The following LDLRAD3 variants were observed in gnomAD, a reference collection of about 807,000 sequenced individuals.
The protein encoded by LDLRAD3 is low-density lipoprotein receptor class A domain-containing protein 3.
Under a neutral mutation model 29.4 loss-of-function variants are expected in LDLRAD3, and 20 were observed. The ratio of observed to expected loss-of-function variants is 0.68; its 90% confidence interval spans 0.48 to 0.99. The LOEUF (loss-of-function observed/expected upper bound fraction) is 0.99. LDLRAD3 is among the 50% of genes least tolerant of loss of function. The probability of loss-of-function intolerance (pLI) is 0.00; values close to 1 mark genes in which losing one functional copy is unlikely to be tolerated. For synonymous variants in LDLRAD3, 157 were observed against 192.7 expected (o/e 0.81, Z 1.53); for missense variants, 420 against 454.3 (o/e 0.92, Z 0.69).
At chr11:36,122,749 T>TG (rs1350208302) in intron 4 of LDLRAD3, among the ~76,000 whole-genome samples, 1 of 152,152 alleles carries the variant, frequency 6.6e-6, no homozygotes, top group East Asian at 1.9e-4. Context: ...CCTGGTGTGA[T>TG]GGTTCATGCC....
intron 1 of LDLRAD3, among the ~76,000 whole-genome samples, chr11:35,992,037 T>C (rs1851698197): frequency 6.6e-6 from 1 of 152,108 alleles, no homozygotes. Context: ...AATTTATTCA[T>C]CACTGAATTC....
At chr11:36,003,031 A>T (rs895492477) in intron 1 of LDLRAD3, among the ~76,000 whole-genome samples, 12 of 152,228 alleles carry the variant, frequency 7.9e-5, no homozygotes, top group Admixed American at 6.5e-5. Flanking sequence ...TAAGACAAAG[A>T]ATGTGCAATT....
chr11:36,000,528 A>C (rs1348683236), intron 1 of LDLRAD3, among the ~76,000 whole-genome samples: 1 of 152,124 alleles, frequency 6.6e-6, no homozygotes, highest in Non-Finnish European at 1.5e-5. Context: ...AGAATACTAA[A>C]ATTTATGAAT....
chr11:35,988,369 CT>C (rs963129663), intron 1 of LDLRAD3, among the ~76,000 whole-genome samples: 2 of 152,058 alleles, frequency 1.3e-5, no homozygotes, highest in African/African-American at 4.8e-5. Context: ...TGTATGTCTT[CT>C]TTTGAGAAGT....
intron 2 of LDLRAD3, among the ~76,000 whole-genome samples, chr11:36,065,074 T>C (rs1293704192): frequency 6.6e-6 from 1 of 152,224 alleles, no homozygotes; most frequent in African/African-American, 2.4e-5. Context: ...CTTGTTGATC[T>C]TCAGCCTAGT....
At chr11:36,064,240 A>G (rs1232630854) in intron 2 of LDLRAD3, among the ~76,000 whole-genome samples, 1 of 152,140 alleles carries the variant, frequency 6.6e-6, no homozygotes, top group Non-Finnish European at 1.5e-5. Context: ...AATACAATTG[A>G]TTTTGGTGTA....
chr11:36,065,731 C>T (rs992882959), intron 2 of LDLRAD3, among the ~76,000 whole-genome samples: 34 of 152,200 alleles, frequency 2.2e-4, no homozygotes, highest in Non-Finnish European at 1.0e-4. Flanking sequence ...GAATGGAAGT[C>T]TTCAGTTCCC....
intron 3 of LDLRAD3, among the ~76,000 whole-genome samples, chr11:36,089,946 G>A (rs916930738): frequency 6.6e-6 from 1 of 152,024 alleles, no homozygotes; most frequent in African/African-American, 2.4e-5. Flanking sequence ...TTGAGCACCT[G>A]CTATGGCCCA....
intron 2 of LDLRAD3, among the ~76,000 whole-genome samples, chr11:36,076,876 G>C (rs1222709091): frequency 6.6e-6 from 1 of 151,938 alleles, no homozygotes; most frequent in Non-Finnish European, 1.5e-5. Context: ...ATGGAATCTA[G>C]TCAACATACT....
intron 2 of LDLRAD3, among the ~76,000 whole-genome samples, chr11:36,081,305 G>T (rs1295626518): frequency 1.3e-5 from 2 of 152,214 alleles, no homozygotes; most frequent in East Asian, 3.9e-4. Context: ...GACATTCAGG[G>T]AATGAATTTT....
chr11:36,229,534 C>A lies in LDLRAD3; in HGVS notation c.*137C>A. On this transcript the variant is annotated 3_prime_UTR_variant, in exon 6 of 6. Transcript: ENST00000315571. ...CAGTTTGGGATATTAACTATCTCTG[C>A]ATTCCCCTCCTCCCCCAGACTTCAG... 2 of 645,144 alleles carry A rather than the reference C, an allele frequency of 3.1e-6. No individual in the cohort carries two copies. Among genetic ancestry groups the A allele is most frequent in the Non-Finnish European group, 5.5e-6 (2 of 365,010 alleles). The allele number at this position is 645,144 out of a possible 1,614,324, so 40.0% of individuals were successfully genotyped here. A position where few individuals can be genotyped will look rare whatever the true frequency, so the allele number is the denominator to read the frequency against.
intron 2 of LDLRAD3, among the ~76,000 whole-genome samples, chr11:36,079,273 C>G (rs572027953): frequency 6.6e-6 from 1 of 152,272 alleles, no homozygotes; most frequent in Non-Finnish European, 1.5e-5. Flanking sequence ...TTATAGAGAC[C>G]TTTCATAATA....
chr11:36,092,548 T>C (rs563256261), intron 3 of LDLRAD3, among the ~76,000 whole-genome samples: 23 of 152,304 alleles, frequency 1.5e-4, no homozygotes, highest in African/African-American at 5.1e-4. Flanking sequence ...TCCCAGTCTC[T>C]GTTATCTATT....
intron 1 of LDLRAD3, among the ~76,000 whole-genome samples, chr11:36,029,064 G>A (rs536995086): frequency 6.6e-6 from 1 of 152,290 alleles, no homozygotes; most frequent in East Asian, 1.9e-4. Flanking sequence ...TCAATATGGG[G>A]AAACCCCGTC....
At chr11:36,217,377 C>T (rs1345605715) in intron 4 of LDLRAD3, among the ~76,000 whole-genome samples, 2 of 152,002 alleles carry the variant, frequency 1.3e-5, no homozygotes, top group Non-Finnish European at 2.9e-5. Flanking sequence ...GGTAAGATAG[C>T]CACATATGTA....
intron 4 of LDLRAD3, among the ~76,000 whole-genome samples, chr11:36,195,740 G>A (rs149805170): frequency 6.6e-6 from 1 of 152,176 alleles, no homozygotes; most frequent in Admixed American, 6.5e-5. Flanking sequence ...ATCCCTCTGT[G>A]GCTCCCCTCC....
In LDLRAD3 at chr11:36,229,636, G is replaced by A. The variant is rs1448553566; in HGVS notation, c.*239G>A. ...TCAGGTCACTCTTCCCTTGGGACCC[G>A]AGATCACACCCTCATTTTTCACATT... On this transcript the variant is annotated 3_prime_UTR_variant, in exon 6 of 6. Coordinates refer to ENST00000315571, the MANE Select transcript of LDLRAD3 (RefSeq NM_174902.4). The A allele has an allele frequency of 2.3e-5, 11 of 475,054 alleles. No individual in the cohort carries two copies. The highest frequency in any genetic ancestry group is 9.5e-5 in the South Asian group (2 of 21,022). 29.4% of individuals were successfully genotyped at this position (475,054 alleles called of 1,614,324 possible).
intron 1 of LDLRAD3, among the ~76,000 whole-genome samples, chr11:35,958,146 C>T (rs1039209859): frequency 2.6e-5 from 4 of 152,188 alleles, no homozygotes; most frequent in Non-Finnish European, 5.9e-5. Flanking sequence ...AAGGTGGCCA[C>T]TAGCCACCTG....
chr11:35,981,171 A>G (rs1247973424), intron 1 of LDLRAD3, among the ~76,000 whole-genome samples: 1 of 139,298 alleles, frequency 7.2e-6, no homozygotes, highest in African/African-American at 2.7e-5. Flanking sequence ...TCATTAGGCC[A>G]TACTTTTGGG....
Sources: allele counts gnomAD v4.1 joint callset (sites outside exome capture counted in the v4.1 genomes callset), GRCh38; gene constraint gnomAD v4.1.1; transcripts MANE v1.5; gene names NCBI Gene and HGNC (gene_info 2026-07-23, HGNC 2026-07-21).